The following NUP205 variants were observed in gnomAD, a reference collection of about 807,000 sequenced individuals.
The protein encoded by NUP205 is nucleoporin 205, also known as nuclear pore complex protein Nup205.
A neutral mutation model predicts 253.8 loss-of-function variants in NUP205; 76 were observed. The ratio of observed to expected loss-of-function variants is 0.30; its 90% CI spans 0.25 to 0.36. The LOEUF (loss-of-function observed/expected upper bound fraction) is 0.36. Among genes scored for constraint, NUP205 ranks in the 10% least tolerant of loss-of-function variants. The pLI is 1.00. For missense variants in NUP205, 2,162 were observed against 2,425.5 expected (o/e 0.89, Z 2.28); for synonymous variants, 832 against 850.1 (o/e 0.98, Z 0.37).
chr7:135,638,782 A>C (rs1433881961), intron 38 of NUP205, 99 bp downstream of exon 38: 1 of 1,197,970 alleles, frequency 8.3e-7, no homozygotes, highest in African/African-American at 1.5e-5. Context: ...ATTTTCTTTT[A>C]AGTGTCATTA....
Position 135,635,618 on chromosome 7 carries a change from G to T in NUP205, c.5097G>T (p.Gly1699=), listed in dbSNP as rs367847599. 9 of 1,595,002 alleles carry T rather than the reference G, an allele frequency of 5.6e-6. No homozygotes were observed. The highest frequency in any genetic ancestry group is 1.1e-5 in the South Asian group (1 of 89,552). The change falls in exon 36 of 43, where the codon GGG becomes GGT. Residue 1699 remains glycine (G), a synonymous_variant. Transcript: ENST00000285968. ...LSELDVDVNE[G]SLMELQGHIG... ...AACTTGACGTTGATGTAAATGAAGG[G>T]TCTCTAATGGAGCTACAGGGACATA... is the stretch of plus-strand genomic sequence containing the variant.
At chr7:135,634,218 T>G (rs535094333) in intron 35 of NUP205, among the ~76,000 whole-genome samples, 1 of 152,316 alleles carries the variant, frequency 6.6e-6, no homozygotes, top group South Asian at 2.1e-4. Flanking sequence ...TGAGCCACCA[T>G]GCCCAGCTGG....
At chr7:135,563,814 A>C (rs1487035680) in intron 1 of NUP205, among the ~76,000 whole-genome samples, 1 of 151,952 alleles carries the variant, frequency 6.6e-6, no homozygotes, top group Non-Finnish European at 1.5e-5. Flanking sequence ...GCAACATCCC[A>C]GTTCTACAAA....
intron 1 of NUP205, among the ~76,000 whole-genome samples, chr7:135,565,181 T>C (rs1805716548): frequency 6.6e-6 from 1 of 152,142 alleles, no homozygotes; most frequent in South Asian, 2.1e-4. Flanking sequence ...TACAAGGAAA[T>C]TTATTGGTTT....
chr7:135,601,252 C>A, intron 16 of NUP205, 118 bp from the exon 17 acceptor site: 1 of 922,108 alleles, frequency 1.1e-6, no homozygotes, highest in Non-Finnish European at 1.6e-6. Flanking sequence ...TAAATTGAAA[C>A]TTGCCTTTAT....
intron 35 of NUP205, among the ~76,000 whole-genome samples, chr7:135,635,011 C>T (rs1794782001): frequency 6.6e-6 from 1 of 152,114 alleles, no homozygotes; most frequent in African/African-American, 2.4e-5. Flanking sequence ...AGGAAACAAA[C>T]TGATGGGGAG....
At chr7:135,604,197 A>C (rs935157765) in intron 18 of NUP205, 143 bp from the exon 19 acceptor site, 2 of 608,010 alleles carry the variant, frequency 3.3e-6, no homozygotes, top group Non-Finnish European at 5.4e-6. Context: ...GACTGCATCT[A>C]TTTAGAAGGG....
At chr7:135,627,836 A>G (rs768937095) in intron 33 of NUP205, 137 bp from the exon 34 acceptor site, 115 of 698,528 alleles carry the variant, frequency 1.6e-4, no homozygotes, top group Middle Eastern at 3.9e-4. Flanking sequence ...GGATGTATAT[A>G]TGGGATGCAG....
rs1806174590 is a variant in NUP205 at position 135,577,147 on chromosome 7, C to A, written c.648+19C>A. ...CAAAGAGGCAAGGGTTCAATGAAAT[C>A]AATTCATGAGTTGTCTGTCAAATCT... On this transcript the variant is annotated intron_variant, in intron 5 of 42. Coordinates refer to ENST00000285968, the MANE Select transcript of NUP205 (RefSeq NM_015135.3). 1.3e-6 allele frequency: 2 copies of A among 1,592,604 alleles called. No individual in the cohort carries two copies. Among genetic ancestry groups the A allele is most frequent in the East Asian group, 2.3e-5 (1 of 44,068 alleles).
intron 13 of NUP205, 46 bp downstream of exon 13, chr7:135,594,775 T>C: frequency 6.9e-7 from 1 of 1,458,286 alleles, no homozygotes; most frequent in Non-Finnish European, 9.3e-7. Flanking sequence ...ATGTGGAAAG[T>C]TGGGCTTGAT....
chr7:135,642,840 A>AGG (rs1325867390), intron 38 of NUP205, among the ~76,000 whole-genome samples: 21 of 103,254 alleles, frequency 2.0e-4, no homozygotes, highest in South Asian at 7.1e-4. Context: ...TTTGATGTGG[A>AGG]GGGGTGTGTG....
Position 135,638,559 on chromosome 7 carries a change from T to G in NUP205, c.5268T>G (p.Ile1756Met), listed in dbSNP as rs1318090006. Reference sequence around the variant, plus strand: ...TTGTTACTGTTTTTTGATTATAGATTTGTGCCAATGTAATGGAATATTGCC... The same window carrying G: ...TTGTTACTGTTTTTTGATTATAGATGTGTGCCAATGTAATGGAATATTGCC... ...KDEIELAMQQ[I>M]CANVMEYCQS... Residue 1756 changes from isoleucine (I) to methionine (M), a missense_variant and splice_region_variant, in exon 38 of 43, where the codon ATT (isoleucine) becomes ATG (methionine). Physicochemically the swap from Ile to Met is conservative, Grantham distance 10. Coordinates refer to ENST00000285968, the MANE Select transcript of NUP205 (RefSeq NM_015135.3). 1.2e-6 allele frequency: 2 copies of G among 1,613,622 alleles called. No individual in the cohort carries two copies. The highest frequency in any genetic ancestry group is 2.7e-5 in the African/African-American group (2 of 75,012).
At chr7:135,606,519 C>G (rs552238883) in intron 20 of NUP205, among the ~76,000 whole-genome samples, 1 of 152,194 alleles carries the variant, frequency 6.6e-6, no homozygotes, top group African/African-American at 2.4e-5. Context: ...TCAAAAAAAT[C>G]TGAAATCTGA....
At position 135,601,294 on chromosome 7, in the gene NUP205, A is replaced by T; in HGVS notation, c.2375-76A>T. On this transcript the variant is annotated intron_variant, in intron 16 of 42. Coordinates refer to ENST00000285968, the MANE Select transcript of NUP205 (RefSeq NM_015135.3). ...AGATGCCATCTAATTTACAAGTCTC[A>T]TACATTTCATATAAATCAAGGGTGT... The T allele has an allele frequency of 3.8e-6, 5 of 1,321,312 alleles. No individual in the cohort carries two copies. In the Admixed American group the frequency reaches 8.4e-5, roughly 22 times the overall value. The allele number at this position is 1,321,312 out of a possible 1,614,324, so 81.8% of individuals were successfully genotyped here.
chr7:135,620,004 G>C (rs1794443898), intron 30 of NUP205, 116 bp downstream of exon 30: 1 of 701,854 alleles, frequency 1.4e-6, no homozygotes, highest in East Asian at 2.5e-5. Flanking sequence ...ATGAGTGTTA[G>C]TGTCATTTTT....
chr7:135,579,343 C>T (rs548468696), intron 7 of NUP205, among the ~76,000 whole-genome samples: 23 of 151,726 alleles, frequency 1.5e-4, no homozygotes, highest in African/African-American at 5.1e-4. Context: ...TACAGGCATG[C>T]GCCACCACAC....
chr7:135,598,603 G>A (rs28582797), intron 15 of NUP205, among the ~76,000 whole-genome samples: 2 of 151,994 alleles, frequency 1.3e-5, no homozygotes, highest in East Asian at 3.9e-4. Flanking sequence ...CTGGGTTGTG[G>A]AGTACTGGTT....
chr7:135,618,704 A>C, intron 28 of NUP205, 101 bp downstream of exon 28: 1 of 1,039,556 alleles, frequency 9.6e-7, no homozygotes, highest in Non-Finnish European at 1.4e-6. Context: ...ATTGGGAGTA[A>C]AATAGAATTG....
intron 32 of NUP205, 39 bp from the exon 33 acceptor site, chr7:135,626,201 G>A (rs777649197): frequency 5.0e-6 from 8 of 1,610,838 alleles, no homozygotes; most frequent in East Asian, 2.2e-5. Flanking sequence ...CCTTGGACAT[G>A]ATTTCAGCAC....
Sources: gnomAD v4.1 joint callset for allele counts (sites outside exome capture counted in the v4.1 genomes callset) on GRCh38, gnomAD v4.1.1 for gene constraint, MANE v1.5 for transcripts, NCBI Gene and HGNC (gene_info 2026-07-23, HGNC 2026-07-21) for gene names.